The following TBC1D5 variants were observed in gnomAD, a reference collection of about 807,000 sequenced individuals.
TBC1D5 encodes TBC1 domain family member 5.
Under a neutral mutation model 100.3 loss-of-function variants are expected in TBC1D5, and 75 were observed. That is an observed-to-expected ratio of 0.75 (90% CI 0.62 to 0.91). The LOEUF (loss-of-function observed/expected upper bound fraction) is 0.91, where lower values mean the gene tolerates loss of function less well. Ranked by LOEUF, TBC1D5 falls within the 40% of genes least tolerant of loss-of-function variation. The probability of loss-of-function intolerance (pLI) is 0.00; values close to 1 mark genes in which losing one functional copy is unlikely to be tolerated. For synonymous variants in TBC1D5, 323 were observed against 325.6 expected, an observed-to-expected ratio of 0.99 and a Z score of 0.09; for missense variants, 910 against 942.4, an observed-to-expected ratio of 0.97 and a Z score of 0.45.
intron 15 of TBC1D5, among the ~76,000 whole-genome samples, chr3:17,264,162 A>T (rs2078624990): frequency 6.6e-6 from 1 of 152,104 alleles, no homozygotes; most frequent in Non-Finnish European, 1.5e-5. Flanking sequence ...TTATGATAGT[A>T]TAAAAATATT....
Position 17,406,642 on chromosome 3 carries a change from A to G in TBC1D5, c.168-116T>C, listed in dbSNP as rs969828128. 15 of 822,590 alleles carry G rather than the reference A, an allele frequency of 1.8e-5. No individual in the cohort carries two copies. The African/African-American group carries it at 2.6e-4, about 14-fold the overall frequency. The allele number at this position is 822,590 out of a possible 1,614,324, so 51.0% of individuals were successfully genotyped here. On this transcript the variant is annotated intron_variant, in intron 4 of 21. Coordinates refer to ENST00000253692, the Ensembl canonical transcript of TBC1D5. ...CTAAAAAATGCAACTTTTAAAACAT[A>G]TATATTTAGTTGTGTACTGTTTCTG...
intron 3 of TBC1D5, among the ~76,000 whole-genome samples, chr3:17,454,322 C>T (rs977129877): frequency 1.3e-5 from 2 of 152,000 alleles, no homozygotes; most frequent in Non-Finnish European, 2.9e-5. Flanking sequence ...GAAAATAAAA[C>T]AGCAAATTAT....
At chr3:17,624,581 G>A (rs892066343) in intron 1 of TBC1D5, among the ~76,000 whole-genome samples, 8 of 151,840 alleles carry the variant, frequency 5.3e-5, no homozygotes, top group South Asian at 4.1e-4. Context: ...CTAAATAAAA[G>A]GCATACCTAA....
At chr3:17,611,271 T>C (rs2061650948) in intron 2 of TBC1D5, among the ~76,000 whole-genome samples, 1 of 152,140 alleles carries the variant, frequency 6.6e-6, no homozygotes, top group African/African-American at 2.4e-5. Context: ...CAGACATAAA[T>C]CCTGATCTCA....
chr3:17,253,207 T>A (rs564485356), intron 16 of TBC1D5, among the ~76,000 whole-genome samples: 216 of 152,330 alleles, frequency 1.4e-3, no homozygotes, highest in African/African-American at 5.1e-3. Context: ...CTAAATTACA[T>A]TAAAGAAATA....
chr3:17,157,317 T>C (rs2065669845), exon 22 of TBC1D5: 1 of 152,250 alleles, frequency 6.6e-6, no homozygotes, highest in African/African-American at 2.4e-5. Context: ...ATTCCATCAA[T>C]CAAATGAATT....
intron 3 of TBC1D5, among the ~76,000 whole-genome samples, chr3:17,479,131 C>G (rs546956560): frequency 1.3e-5 from 2 of 152,144 alleles, no homozygotes; most frequent in African/African-American, 4.8e-5. Context: ...CTGGACGTGG[C>G]GGCTCACATC....
intron 2 of TBC1D5, among the ~76,000 whole-genome samples, chr3:17,580,950 A>G (rs942301467): frequency 7.9e-5 from 12 of 152,118 alleles, no homozygotes; most frequent in Admixed American, 1.3e-4. Flanking sequence ...TACTGCATCA[A>G]TGTTACATCT....
At chr3:17,461,517 T>C (rs755879748) in intron 3 of TBC1D5, among the ~76,000 whole-genome samples, 2 of 152,206 alleles carry the variant, frequency 1.3e-5, no homozygotes, top group Non-Finnish European at 2.9e-5. Flanking sequence ...TACAGACTTT[T>C]ACTTCTTAGA....
chr3:17,166,196 GA>G (rs201434365), intron 21 of TBC1D5, among the ~76,000 whole-genome samples: 15 of 147,470 alleles, frequency 1.0e-4, no homozygotes, highest in Admixed American at 3.4e-4. Flanking sequence ...AAGATACAAA[GA>G]AAAAAAAAAG....
rs558964031 is a variant in TBC1D5, at chr3:17,587,131, T to A, written c.-36+36718A>T. ...TTCACAGCCTTTTTCTAAAGAAAAA[T>A]TTTTTTTCATCTTTAGTAATACACC... On this transcript the variant is annotated intron_variant, in intron 2 of 21. Transcript: ENST00000253692. 1.8e-3 allele frequency among the ~76,000 whole-genome samples: 279 copies of A among 151,940 alleles called. 2 individuals carry two copies. The highest frequency in any genetic ancestry group is 6.4e-3 in the African/African-American group (264 of 41,488).
chr3:17,625,342 A>G (rs1401728787), intron 1 of TBC1D5, among the ~76,000 whole-genome samples: 2 of 152,210 alleles, frequency 1.3e-5, no homozygotes, highest in East Asian at 3.9e-4. Flanking sequence ...TGTGCTTATA[A>G]TTAGCATCTG....
chr3:17,366,361 T>C (rs2092129142), intron 13 of TBC1D5, among the ~76,000 whole-genome samples: 1 of 151,904 alleles, frequency 6.6e-6, no homozygotes, highest in African/African-American at 2.4e-5. Flanking sequence ...TTTAGCACAA[T>C]GCCTAGCCCT....
Position 17,198,381 on chromosome 3 carries a change from A to T in TBC1D5, c.1753-13173T>A, listed in dbSNP as rs116125955. Reference sequence around the variant, plus strand: ...AGGAAGTCTTGGTGAGTAGCTGTTGAAAACGCCTTTAAGATAGGGTTGCCA... The same window carrying T: ...AGGAAGTCTTGGTGAGTAGCTGTTGTAAACGCCTTTAAGATAGGGTTGCCA... On this transcript the variant is annotated intron_variant, in intron 18 of 21. Transcript: ENST00000253692. 6.8e-3 allele frequency among the ~76,000 whole-genome samples: 1,039 copies of T among 152,334 alleles called. 10 individuals carry two copies. The highest frequency in any genetic ancestry group is 0.024 in the African/African-American group (986 of 41,572).
intron 2 of TBC1D5, among the ~76,000 whole-genome samples, chr3:17,601,979 G>A (rs376833753): frequency 2.8e-4 from 43 of 152,186 alleles, no homozygotes; most frequent in African/African-American, 9.4e-4. Flanking sequence ...ATAGGCGCCT[G>A]CCACCACGCC....
At chr3:17,391,323 A>C (rs1439094963) in intron 8 of TBC1D5, among the ~76,000 whole-genome samples, 1 of 152,072 alleles carries the variant, frequency 6.6e-6, no homozygotes, top group Admixed American at 6.6e-5. Flanking sequence ...GAGAGGAACC[A>C]AAGTGGATAC....
At position 17,582,920 on chromosome 3, in the gene TBC1D5, A is replaced by G. The variant is rs547474358; in HGVS notation, c.-36+40929T>C. On this transcript the variant is annotated intron_variant, in intron 2 of 21. Coordinates refer to ENST00000253692, the Ensembl canonical transcript of TBC1D5. The stretch of plus-strand genomic sequence containing the variant: ...ATGTTCACTGGTCAGGTAATTCTGG[A>G]GAGAAAACAGAACTGAATGATAGTC... Among the ~76,000 whole-genome samples the G allele has an allele frequency of 2.1e-4, 32 of 152,312 alleles. No homozygotes were observed. In the East Asian group the frequency reaches 6.2e-3, roughly 29 times the overall value.
chr3:17,319,435 GTTT>G (rs35059577), intron 13 of TBC1D5, among the ~76,000 whole-genome samples: 66 of 138,208 alleles, frequency 4.8e-4, no homozygotes, highest in East Asian at 2.9e-3. Context: ...TAATTTATAG[GTTT>G]TTTTTTTTTT....
At chr3:17,300,174 T>C (rs1328933122) in intron 14 of TBC1D5, among the ~76,000 whole-genome samples, 1 of 152,156 alleles carries the variant, frequency 6.6e-6, no homozygotes, top group Non-Finnish European at 1.5e-5. Flanking sequence ...TACATTAATA[T>C]AAATATCTGA....
Sources: allele counts gnomAD v4.1 joint callset (sites outside exome capture counted in the v4.1 genomes callset), GRCh38; gene constraint gnomAD v4.1.1; transcripts MANE v1.5; gene names NCBI Gene and HGNC (gene_info 2026-07-23, HGNC 2026-07-21).